HPSE2: variants seen among roughly 807,000 people sequenced by gnomAD.
HPSE2 encodes the protein heparanase 2 (inactive), also known as inactive heparanase-2.
In HPSE2, 38 loss-of-function variants were observed where a neutral mutation model predicts 60.5. That is an observed-to-expected ratio of 0.63 (90% CI 0.48 to 0.82). The LOEUF (loss-of-function observed/expected upper bound fraction) is 0.82. Among genes scored for constraint, HPSE2 ranks in the 40% least tolerant of loss-of-function variants. The pLI is 0.00. For missense variants in HPSE2, 713 were observed against 740.4 expected, an observed-to-expected ratio of 0.96 and a Z score of 0.43; for synonymous variants, 295 against 293.2, an observed-to-expected ratio of 1.01 and a Z score of -0.06.
chr10:98,721,204 T>C (rs1344244407), intron 5 of HPSE2, among the ~76,000 whole-genome samples: 1 of 151,486 alleles, frequency 6.6e-6, no homozygotes, highest in Non-Finnish European at 1.5e-5. Flanking sequence ...TATCTGCTAA[T>C]AGGCCTATTA....
At chr10:98,677,238 G>A (rs1589621742) in intron 6 of HPSE2, among the ~76,000 whole-genome samples, 1 of 152,142 alleles carries the variant, frequency 6.6e-6, no homozygotes, top group East Asian at 1.9e-4. Flanking sequence ...CACAGTGCCT[G>A]CACATAGTAG....
intron 3 of HPSE2, among the ~76,000 whole-genome samples, chr10:99,067,046 T>G (rs987682727): frequency 3.3e-5 from 5 of 152,196 alleles, no homozygotes; most frequent in Admixed American, 3.3e-4. Context: ...ATAGACCCTA[T>G]GCAAATCCAA....
At chr10:99,211,661 A>C (rs377743583) in intron 2 of HPSE2, among the ~76,000 whole-genome samples, 1 of 152,336 alleles carries the variant, frequency 6.6e-6, no homozygotes, top group East Asian at 1.9e-4. Flanking sequence ...ATCCACATGC[A>C]GAAGAATGCA....
intron 3 of HPSE2, among the ~76,000 whole-genome samples, chr10:99,042,573 G>C (rs986222711): frequency 1.3e-5 from 2 of 151,954 alleles, no homozygotes; most frequent in Non-Finnish European, 2.9e-5. Context: ...TGGAGCCGGA[G>C]AGCAGTGCAC....
intron 11 of HPSE2, among the ~76,000 whole-genome samples, chr10:98,479,382 G>T (rs1306742393): frequency 1.3e-5 from 2 of 152,180 alleles, no homozygotes; most frequent in African/African-American, 4.8e-5. Context: ...GGCCCCAGAG[G>T]CTTATAAAAG....
At chr10:98,661,733 G>A (rs1165388376) in intron 6 of HPSE2, among the ~76,000 whole-genome samples, 5 of 152,030 alleles carry the variant, frequency 3.3e-5, no homozygotes, top group Admixed American at 3.3e-4. Context: ...TAAACATTAA[G>A]TTGTTTTTAA....
At chr10:98,997,834 C>T (rs897113591) in intron 3 of HPSE2, among the ~76,000 whole-genome samples, 1 of 152,152 alleles carries the variant, frequency 6.6e-6, no homozygotes. Flanking sequence ...CTACAGCCAA[C>T]CAAAGTGAAG....
intron 11 of HPSE2, among the ~76,000 whole-genome samples, chr10:98,466,020 C>A (rs1451206512): frequency 1.3e-5 from 2 of 152,166 alleles, no homozygotes; most frequent in African/African-American, 4.8e-5. Flanking sequence ...TTGGCCTGGT[C>A]ACTCCCCCGC....
intron 3 of HPSE2, among the ~76,000 whole-genome samples, chr10:98,936,616 T>A (rs1342832396): frequency 7.0e-6 from 1 of 143,492 alleles, no homozygotes; most frequent in East Asian, 2.0e-4. Flanking sequence ...GAGCTTTTAA[T>A]GCTACAAGAA....
chr10:98,488,009 T>C (rs532101439), intron 10 of HPSE2, among the ~76,000 whole-genome samples: 1 of 152,336 alleles, frequency 6.6e-6, no homozygotes, highest in African/African-American at 2.4e-5. Flanking sequence ...TTATTATCAT[T>C]AGGGTCACAT....
intron 2 of HPSE2, among the ~76,000 whole-genome samples, chr10:99,160,781 C>G (rs954987540): frequency 2.0e-5 from 3 of 149,226 alleles, no homozygotes; most frequent in African/African-American, 7.3e-5. Context: ...CGCCTGTAGT[C>G]CCAGCTACTT....
chr10:99,141,888 A>G (rs1029847065), intron 3 of HPSE2, among the ~76,000 whole-genome samples: 3 of 152,186 alleles, frequency 2.0e-5, no homozygotes, highest in African/African-American at 7.2e-5. Context: ...TACTATACTG[A>G]TATCTTAGTT....
intron 3 of HPSE2, among the ~76,000 whole-genome samples, chr10:98,767,742 A>G (rs1261728638): frequency 4.1e-5 from 6 of 145,484 alleles, no homozygotes; most frequent in Admixed American, 1.4e-4. Context: ...TGTATTTTTA[A>G]TGTATCAATA....
chr10:98,508,526 A>G (rs939427307), intron 9 of HPSE2, among the ~76,000 whole-genome samples: 2 of 152,194 alleles, frequency 1.3e-5, no homozygotes, highest in Non-Finnish European at 2.9e-5. Flanking sequence ...GGCATCATGA[A>G]GTTTCTAACC....
intron 3 of HPSE2, among the ~76,000 whole-genome samples, chr10:99,132,507 A>G (rs1845482033): frequency 6.6e-6 from 1 of 152,104 alleles, no homozygotes. Flanking sequence ...ATCGATGCAG[A>G]AGGCAGGTGA....
At chr10:99,005,802 T>G (rs1305248921) in intron 3 of HPSE2, among the ~76,000 whole-genome samples, 1 of 152,182 alleles carries the variant, frequency 6.6e-6, no homozygotes, top group Non-Finnish European at 1.5e-5. Flanking sequence ...CTGACTGGCT[T>G]TGTATGGGAG....
intron 3 of HPSE2, among the ~76,000 whole-genome samples, chr10:98,768,698 T>C (rs1219047502): frequency 1.3e-5 from 2 of 152,212 alleles, no homozygotes; most frequent in African/African-American, 4.8e-5. Context: ...TTCTGTTCCC[T>C]TGGACAAATC....
chr10:98,678,709 G>A (rs1245005958), intron 6 of HPSE2, among the ~76,000 whole-genome samples: 1 of 151,814 alleles, frequency 6.6e-6, no homozygotes, highest in Non-Finnish European at 1.5e-5. Flanking sequence ...GGTCTCTGGT[G>A]GGAGCTAGGC....
chr10:99,133,642 G>C (rs1166378610), intron 3 of HPSE2, among the ~76,000 whole-genome samples: 2 of 152,180 alleles, frequency 1.3e-5, no homozygotes, highest in African/African-American at 4.8e-5. Context: ...ACCAGCAGCA[G>C]AGGGGCCTGA....
Sources: allele counts gnomAD v4.1 joint callset (sites outside exome capture counted in the v4.1 genomes callset), GRCh38; gene constraint gnomAD v4.1.1; transcripts MANE v1.5; gene names NCBI Gene and HGNC (gene_info 2026-07-23, HGNC 2026-07-21).